Variants in TEX15 observed in about 807,000 individuals in gnomAD.
The protein encoded by TEX15 is testis-expressed protein 15.
TEX15 carries 171 observed loss-of-function variants against 237.3 expected under a neutral mutation model. The ratio of observed to expected loss-of-function variants is 0.72; its 90% CI spans 0.64 to 0.82. TEX15 has a LOEUF of 0.82. Among genes scored for constraint, TEX15 ranks in the 40% least tolerant of loss-of-function variants. The probability of loss-of-function intolerance (pLI) is 0.00; values close to 1 mark genes in which losing one functional copy is unlikely to be tolerated. For synonymous variants in TEX15, 1,338 were observed against 1,269.8 expected, an observed-to-expected ratio of 1.05 and a Z score of -1.14; for missense variants, 3,750 against 3,646.5, an observed-to-expected ratio of 1.03 and a Z score of -0.73.
At position 30,843,348 on chromosome 8, in the gene TEX15, A is replaced by G. The variant is rs1009127089; in HGVS notation, c.6819T>C (p.Asp2273=). 2 of 1,611,474 alleles carry G rather than the reference A, an allele frequency of 1.2e-6. No individual in the cohort carries two copies. The highest frequency in any genetic ancestry group is 3.3e-5 in the Admixed American group (2 of 59,738). Residue 2273 remains aspartate, a synonymous_variant, in exon 8 of 11, where the codon GAT becomes GAC. Transcript: ENST00000643185. ...SLYGLEHIFF[D]AAKNLVWKER... is the part of the protein sequence containing the mutation. ...CTTTCCAAACAAGATTTTTTGCAGC[A>G]TCAAAAAAGATATGTTCCAGACCAT... is the stretch of plus-strand genomic sequence containing the variant.
intron 4 of TEX15, among the ~76,000 whole-genome samples, chr8:30,869,468 T>A (rs1420234891): frequency 6.6e-6 from 1 of 151,962 alleles, no homozygotes; most frequent in Non-Finnish European, 1.5e-5. Flanking sequence ...CCAAATGAAG[T>A]TTATACACAA....
Position 30,843,477 on chromosome 8 carries a change from C to A in TEX15, c.6690G>T (p.Ser2230=), listed in dbSNP as rs768266759. 2.5e-6 allele frequency: 4 copies of A among 1,612,620 alleles called. No homozygotes were observed. The highest frequency in any genetic ancestry group is 3.4e-6 in the Non-Finnish European group (4 of 1,179,486). The part of the protein sequence containing the change: ...NVCGDSPKVH[S]YPGKQDHLWI... ...ACAGATGGTCCTGTTTTCCTGGATA[C>A]GAATGAACTTTAGGAGAGTCCCCAC... Residue 2230 remains serine, a synonymous_variant, in exon 8 of 11, where the codon TCG becomes TCT. Coordinates refer to ENST00000643185, the MANE Select transcript of TEX15 (RefSeq NM_001350162.2).
At chr8:30,877,616 T>C (rs1445124204) in intron 3 of TEX15, among the ~76,000 whole-genome samples, 1 of 152,184 alleles carries the variant, frequency 6.6e-6, no homozygotes, top group Non-Finnish European at 1.5e-5. Context: ...TTTTGATAGT[T>C]TTATAACATG....
In TEX15 at chr8:30,844,165, G is replaced by A; in HGVS notation, c.6002C>T (p.Ser2001Phe). Residue 2001 changes from serine (S) to phenylalanine (F), a missense_variant, in exon 8 of 11, where the codon TCT (serine) becomes TTT (phenylalanine). By Grantham distance (155) the Ser-to-Phe change is radical. Coordinates refer to ENST00000643185, the MANE Select transcript of TEX15 (RefSeq NM_001350162.2). ...TTCATCTGCCCTCTGCAAAATTTGA[G>A]ATAGATTAGCTATAAGGGCCGTATG... ...ANHTALIANL[S>F]QILQRADEAS... is the part of the protein sequence containing the mutation. The A allele has an allele frequency of 1.2e-6, 2 of 1,613,046 alleles. No homozygotes were observed. Among genetic ancestry groups the A allele is most frequent in the East Asian group, 4.5e-5 (2 of 44,868 alleles).
rs761287224 is a variant in TEX15, at chr8:30,846,272, T to C, written c.3895A>G (p.Ile1299Val). 11 of 1,613,458 alleles carry C rather than the reference T, an allele frequency of 6.8e-6. No individual in the cohort carries two copies. Among genetic ancestry groups the C allele is most frequent in the Admixed American group, 1.7e-5 (1 of 59,996 alleles). Reference sequence around the variant, plus strand: ...GATATATGTAGCTTCCTTTTGCTAATTCTTGATTCTACCTCCTTTTTATTT... The same window carrying C: ...GATATATGTAGCTTCCTTTTGCTAACTCTTGATTCTACCTCCTTTTTATTT... ...TKNKKEVESR[I>V]SKRKLHISSR... is the part of the protein sequence containing the mutation. The change falls in exon 8 of 11, where the codon ATT becomes GTT. Residue 1299 changes from isoleucine to valine, a missense_variant. Coordinates refer to ENST00000643185, the MANE Select transcript of TEX15 (RefSeq NM_001350162.2).
chr8:30,902,926 T>C (rs1237346556), intron 1 of TEX15, among the ~76,000 whole-genome samples: 2 of 152,246 alleles, frequency 1.3e-5, no homozygotes, highest in Non-Finnish European at 1.5e-5. Context: ...TCTCAAGGTG[T>C]TCATATTTAT....
intron 9 of TEX15, among the ~76,000 whole-genome samples, 195 bp downstream of exon 9, chr8:30,839,711 G>A (rs920878975): frequency 6.6e-6 from 1 of 152,156 alleles, no homozygotes; most frequent in Admixed American, 6.5e-5. Context: ...ACAGAATGAA[G>A]TTCAAACTCC....
intron 3 of TEX15, among the ~76,000 whole-genome samples, chr8:30,886,258 CTCTT>C (rs1808643241): frequency 1.3e-5 from 2 of 152,218 alleles, no homozygotes; most frequent in African/African-American, 2.4e-5. Context: ...GGAGCACTGA[CTCTT>C]TAATACTATG....
In TEX15 at chr8:30,860,143, C is replaced by T. The variant is rs1294274233; in HGVS notation, c.541-86G>A. ...TCACATTTCAAACATAAAAGGCTAACATTGCTTTGTTTTTCTGAGACAGGG... is the reference window on the plus strand; with the variant it reads ...TCACATTTCAAACATAAAAGGCTAATATTGCTTTGTTTTTCTGAGACAGGG... On this transcript the variant is annotated intron_variant, in intron 5 of 10. Transcript: ENST00000643185. The T allele has an allele frequency of 2.5e-6, 3 of 1,193,684 alleles. No individual in the cohort carries two copies. In the Admixed American group the frequency reaches 9.4e-5, roughly 37 times the overall value. The allele number at this position is 1,193,684 out of a possible 1,614,324, so 73.9% of individuals were successfully genotyped here.
At chr8:30,854,821 G>A (rs1807872252) in intron 7 of TEX15, among the ~76,000 whole-genome samples, 1 of 152,064 alleles carries the variant, frequency 6.6e-6, no homozygotes, top group Non-Finnish European at 1.5e-5. Context: ...GGAATGCGAT[G>A]TTAACATCTA....
chr8:30,871,847 G>A (rs1040009724), intron 4 of TEX15, among the ~76,000 whole-genome samples: 5 of 152,026 alleles, frequency 3.3e-5, no homozygotes, highest in African/African-American at 9.7e-5. Flanking sequence ...AATAACCAAC[G>A]TTCCTTTAGG....
At position 30,836,972 on chromosome 8, in the gene TEX15, T is replaced by C. The variant is rs2128766089; in HGVS notation, c.9312A>G (p.Pro3104=). Residue 3104 remains proline (P), a synonymous_variant, in exon 10 of 11, where the codon CCA becomes CCG. Coordinates refer to ENST00000643185, the MANE Select transcript of TEX15 (RefSeq NM_001350162.2). ...TCACTGGCACAAAGCCATTTGCTTG[T>C]GGCTCCCCCGCAAAATAAGTAAAAT... ...SQYFTYFAGE[P]QANGFVPVNG... 3 of 1,614,156 alleles carry C rather than the reference T, an allele frequency of 1.9e-6. No individual in the cohort carries two copies. The highest frequency in any genetic ancestry group is 2.5e-6 in the Non-Finnish European group (3 of 1,180,028).
At position 30,843,423 on chromosome 8, in the gene TEX15, C is replaced by T; in HGVS notation, c.6744G>A (p.Lys2248=). 6.2e-7 allele frequency: 1 copy of T among 1,613,042 alleles called. No individual in the cohort carries two copies. Among genetic ancestry groups the T allele is most frequent in the South Asian group, 1.1e-5 (1 of 91,036 alleles). Residue 2248 remains lysine, a synonymous_variant, in exon 8 of 11, where the codon AAG becomes AAA. Coordinates refer to ENST00000643185, the MANE Select transcript of TEX15 (RefSeq NM_001350162.2). The part of the protein sequence containing the change: ...LWIIIEMISS[K]VNFIKNNEAV... The stretch of plus-strand genomic sequence containing the variant: ...CCTCGTTGTTCTTAATAAAATTAAC[C>T]TTTGAGGAGATCATTTCTATGATAA...
chr8:30,844,600 G>T lies in TEX15; in HGVS notation c.5567C>A (p.Ser1856Tyr). The change falls in exon 8 of 11, where the codon TCT becomes TAT. Residue 1856 changes from serine (S) to tyrosine (Y), a missense_variant. Ser to Tyr is a moderately radical substitution (Grantham distance 144, BLOSUM62 -2). Coordinates refer to ENST00000643185, the MANE Select transcript of TEX15 (RefSeq NM_001350162.2). ...KVKQAEKAKD[S>Y]VYKRSMTEGS... ...TTCAGTCATGCTTCTTTTGTAAACA[G>T]AATCTTTTGCTTTTTCCGCTTGTTT... is the stretch of plus-strand genomic sequence containing the variant. 6.2e-7 allele frequency: 1 copy of T among 1,613,250 alleles called. No individual in the cohort carries two copies. The highest frequency in any genetic ancestry group is 2.2e-5 in the East Asian group (1 of 44,860).
At chr8:30,885,597 C>T (rs1445578552) in intron 3 of TEX15, among the ~76,000 whole-genome samples, 1 of 152,150 alleles carries the variant, frequency 6.6e-6, no homozygotes, top group African/African-American at 2.4e-5. Context: ...ATGATTTCCA[C>T]TATTTCAAGT....
At position 30,848,305 on chromosome 8, in the gene TEX15, A is replaced by G. The variant is rs745756037; in HGVS notation, c.1862T>C (p.Met621Thr). 1.9e-6 allele frequency: 3 copies of G among 1,613,144 alleles called. No individual in the cohort carries two copies. Among genetic ancestry groups the G allele is most frequent in the South Asian group, 2.2e-5 (2 of 90,844 alleles). ...IDEYLQNTGKMKNFADLEDSS... is the reference protein window; with the variant it reads ...IDEYLQNTGKTKNFADLEDSS... ...GTCTTCCAGGTCAGCGAAGTTTTTCATCTTTCCAGTATTTTGAAGGTATTC... is the reference window on the plus strand; with the variant it reads ...GTCTTCCAGGTCAGCGAAGTTTTTCGTCTTTCCAGTATTTTGAAGGTATTC... Residue 621 changes from methionine to threonine, a missense_variant, in exon 8 of 11, where the codon ATG becomes ACG. By Grantham distance (81) the Met-to-Thr change is moderately conservative. Coordinates refer to ENST00000643185, the MANE Select transcript of TEX15 (RefSeq NM_001350162.2).
At chr8:30,912,334 T>TCCATGAGGC (rs1554505271) in intron 1 of TEX15, among the ~76,000 whole-genome samples, 65,291 of 150,654 alleles carry the variant, frequency 0.43, 17,933 homozygotes, top group African/African-American at 0.78. Flanking sequence ...GCGGCGGGGC[T>TCCATGAGGC]CCCGCCCCCT....
rs1345273640 is a variant in TEX15, at chr8:30,846,421, A to G, written c.3746T>C (p.Val1249Ala). The change falls in exon 8 of 11, where the codon GTG becomes GCG. Residue 1249 changes from valine to alanine, a missense_variant. Val to Ala is a moderately conservative substitution (Grantham distance 64, BLOSUM62 0). Transcript: ENST00000643185. ...LSFDLSRNTD[V>A]NHTSENQNSE... Reference sequence around the variant, plus strand: ...GTTCTGATTTTCAGACGTATGATTCACATCTGTATTACGACTCAAGTCAAA... The same window carrying G: ...GTTCTGATTTTCAGACGTATGATTCGCATCTGTATTACGACTCAAGTCAAA... 2 of 1,613,472 alleles carry G rather than the reference A, an allele frequency of 1.2e-6. No homozygotes were observed. Among genetic ancestry groups the G allele is most frequent in the Non-Finnish European group, 1.7e-6 (2 of 1,179,738 alleles).
chr8:30,888,030 A>G (rs939764926), intron 2 of TEX15, among the ~76,000 whole-genome samples: 9 of 150,784 alleles, frequency 6.0e-5, no homozygotes, highest in South Asian at 2.1e-4. Flanking sequence ...ACTTACACCC[A>G]TAACAATTTT....
Sources: gnomAD v4.1 joint callset for allele counts (sites outside exome capture counted in the v4.1 genomes callset) on GRCh38, gnomAD v4.1.1 for gene constraint, MANE v1.5 for transcripts, NCBI Gene and HGNC (gene_info 2026-07-23, HGNC 2026-07-21) for gene names.